CELSR1: variants seen among roughly 807,000 people sequenced by gnomAD.
CELSR1 encodes the protein adhesion G protein-coupled receptor C1.
A neutral mutation model predicts 249.1 loss-of-function variants in CELSR1; 110 were observed. The ratio of observed to expected loss-of-function variants is 0.44; its 90% CI spans 0.38 to 0.52. The LOEUF (loss-of-function observed/expected upper bound fraction) is 0.52, where lower values mean the gene tolerates loss of function less well. CELSR1 is among the 20% of genes least tolerant of loss of function. The pLI, the probability that CELSR1 is intolerant of heterozygous loss-of-function variation, is 0.00. For missense variants in CELSR1, 4,109 were observed against 4,296.4 expected (o/e 0.96, Z 1.22); for synonymous variants, 2,113 against 1,900.0 (o/e 1.11, Z -2.92).
In CELSR1 at chr22:46,512,104, G is replaced by A. The variant is rs542309360; in HGVS notation, c.3544+21523C>T. On this transcript the variant is annotated intron_variant, in intron 1 of 34. Transcript: ENST00000674500. This position sits in a 1 kb window ranked among gnomAD's most constrained non-coding sequence, Gnocchi z 5.2. ...CAGATCCCAGCCCAGTGGCCCCCACGCTGCCAGGAGCTCTCAGTGTGGCAA... is the reference window on the plus strand; with the variant it reads ...CAGATCCCAGCCCAGTGGCCCCCACACTGCCAGGAGCTCTCAGTGTGGCAA... Among the ~76,000 whole-genome samples the A allele has an allele frequency of 1.3e-5, 2 of 152,084 alleles. No homozygotes were observed. Among genetic ancestry groups the A allele is most frequent in the East Asian group, 1.9e-4 (1 of 5,140 alleles).
At chr22:46,376,953 G>T in intron 24 of CELSR1, 108 bp downstream of exon 24, 1 of 1,068,760 alleles carries the variant, frequency 9.4e-7, no homozygotes, top group Non-Finnish European at 1.4e-6. Flanking sequence ...CAGAGGTGGG[G>T]GTGGTGAGGA....
chr22:46,381,732 G>A lies in CELSR1; in HGVS notation c.7088+114C>T, dbSNP rs571355291. 251 of 988,058 alleles carry A rather than the reference G, an allele frequency of 2.5e-4. No individual in the cohort carries two copies. Among genetic ancestry groups the A allele is most frequent in the South Asian group, 4.0e-4 (25 of 62,060 alleles). 61.2% of individuals were successfully genotyped at this position (988,058 alleles called of 1,614,324 possible). ...GTCTCTGTCTCTGGGCCAGGGTCACGGTGAAATGTCACTGTGAAGACCTGT... is the reference window on the plus strand; with the variant it reads ...GTCTCTGTCTCTGGGCCAGGGTCACAGTGAAATGTCACTGTGAAGACCTGT... On this transcript the variant is annotated intron_variant, in intron 21 of 34. Coordinates refer to ENST00000674500, the MANE Select transcript of CELSR1 (RefSeq NM_001378328.1). This position sits in a 1 kb window ranked among gnomAD's most constrained non-coding sequence, Gnocchi z 6.0.
At chr22:46,497,848 G>T (rs1479230170) in intron 1 of CELSR1, among the ~76,000 whole-genome samples, 1 of 152,094 alleles carries the variant, frequency 6.6e-6, no homozygotes, top group Non-Finnish European at 1.5e-5. Context: ...AGCTCACACA[G>T]AAGAGAGTAC....
chr22:46,487,517 C>T, intron 1 of CELSR1, among the ~76,000 whole-genome samples: 1 of 109,464 alleles, frequency 9.1e-6, no homozygotes, highest in Non-Finnish European at 1.8e-5. Flanking sequence ...GGCCAATTAG[C>T]ATGGTGAGCC....
At chr22:46,514,396 C>T (rs1335874816) in intron 1 of CELSR1, among the ~76,000 whole-genome samples, 1 of 152,176 alleles carries the variant, frequency 6.6e-6, no homozygotes, top group Non-Finnish European at 1.5e-5. Context: ...TTCACCAGGC[C>T]CCGACGGTCC....
At position 46,390,594 on chromosome 22, in the gene CELSR1, T is replaced by C. The variant is rs1193565677; in HGVS notation, c.6251-108A>G. On this transcript the variant is annotated intron_variant, in intron 16 of 34. Coordinates refer to ENST00000674500, the MANE Select transcript of CELSR1 (RefSeq NM_001378328.1). The surrounding 1 kb of genome is among the most constrained non-coding windows in gnomAD (Gnocchi z 6.3). ...TACTTAAACCCAGAACACTGCGTGG[T>C]GGTTAGAACCCCATGGGGGCCAGGA... 9.0e-6 allele frequency: 8 copies of C among 891,662 alleles called. No homozygotes were observed. The highest frequency in any genetic ancestry group is 2.2e-4 in the Middle Eastern group (1 of 4,558). The allele number at this position is 891,662 out of a possible 1,614,324, so 55.2% of individuals were successfully genotyped here.
chr22:46,376,749 G>A (rs1256646041), intron 24 of CELSR1, among the ~76,000 whole-genome samples: 1 of 151,510 alleles, frequency 6.6e-6, no homozygotes, highest in African/African-American at 2.4e-5. Flanking sequence ...GGAAGTTGCA[G>A]TGAGCTGAGA....
At chr22:46,521,771 C>T (rs2080688501) in intron 1 of CELSR1, among the ~76,000 whole-genome samples, 2 of 152,106 alleles carry the variant, frequency 1.3e-5, no homozygotes, top group South Asian at 2.1e-4. Flanking sequence ...GAGCCAAGAT[C>T]GCGCCATTGC....
chr22:46,495,202 C>A (rs1376222308), intron 1 of CELSR1, among the ~76,000 whole-genome samples: 1 of 152,190 alleles, frequency 6.6e-6, no homozygotes, highest in Non-Finnish European at 1.5e-5. Flanking sequence ...ATGGCTGGTA[C>A]AGCCTGCTAC....
chr22:46,481,231 A>G (rs927674283), intron 1 of CELSR1: 3 of 330,412 alleles, frequency 9.1e-6, no homozygotes, highest in Non-Finnish European at 1.7e-5. Context: ...CGAAAGAACA[A>G]GACCATGTCT....
rs766010464 is a variant in CELSR1 at position 46,506,188 on chromosome 22, A to G, written c.3544+27439T>C. The stretch of plus-strand genomic sequence containing the variant: ...AGACTGTCTCCAAAAAAAAAAAAAA[A>G]AAAAAGAAAAAGAAAGAAAGACAGA... On this transcript the variant is annotated intron_variant, in intron 1 of 34. Transcript: ENST00000674500. This position sits in a 1 kb window ranked among gnomAD's most constrained non-coding sequence, Gnocchi z 4.1. Among the ~76,000 whole-genome samples, 3,066 of 151,300 alleles carry G rather than the reference A, an allele frequency of 0.02. 46 individuals carry two copies. Among genetic ancestry groups the G allele is most frequent in the Non-Finnish European group, 0.028 (1,911 of 67,734 alleles).
chr22:46,409,664 T>G lies in CELSR1; in HGVS notation c.5059+91A>C, dbSNP rs2147327040. On this transcript the variant is annotated intron_variant, in intron 8 of 34. Transcript: ENST00000674500. This position sits in a 1 kb window ranked among gnomAD's most constrained non-coding sequence, Gnocchi z 9.8. ...CACCAGAGGCTGCCGGACCTGGATG[T>G]GAAGCCCCCTCACGGTGGTCCCGGG... 2 of 1,507,200 alleles carry G rather than the reference T, an allele frequency of 1.3e-6. No individual in the cohort carries two copies. Among genetic ancestry groups the G allele is most frequent in the South Asian group, 2.3e-5 (2 of 87,144 alleles). The allele number at this position is 1,507,200 out of a possible 1,614,324, so 93.4% of individuals were successfully genotyped here.
At position 46,537,316 on chromosome 22, in the gene CELSR1, C is replaced by T. The variant is rs2080869973; in HGVS notation, c.-146G>A. On this transcript the variant is annotated 5_prime_UTR_variant, in exon 1 of 35. Transcript: ENST00000674500. The surrounding 1 kb of genome is among the most constrained non-coding windows in gnomAD (Gnocchi z 5.8). ...CGTCCCGCCTCCCCGGGGGCCCTGG[C>T]GGGGACTGTGGGGACCACGCGCCCG... is the stretch of plus-strand genomic sequence containing the variant. 2.1e-6 allele frequency: 2 copies of T among 943,000 alleles called. No homozygotes were observed. The highest frequency in any genetic ancestry group is 1.3e-6 in the Non-Finnish European group (1 of 788,856). The allele number at this position is 943,000 out of a possible 1,614,324, so 58.4% of individuals were successfully genotyped here.
Position 46,536,930 on chromosome 22 carries a change from C to A in CELSR1, c.241G>T (p.Gly81Cys). The change falls in exon 1 of 35, where the codon GGC (glycine) becomes TGC (cysteine). Residue 81 changes from glycine (G) to cysteine (C), a missense_variant. Gly to Cys is a radical substitution (Grantham distance 159). Around this residue, in one of 7 missense-constraint regions of CELSR1, gnomAD observed 673 missense variants for 636.8 expected, o/e 1.06. Transcript: ENST00000674500. Reference protein sequence around the residue: ...GRLAGRRRVSGAGRPLPLQVR... With the variant: ...GRLAGRRRVSCAGRPLPLQVR... ...TGCAGCGGCAGCGGGCGCCCCGCGC[C>A]CGAGACGCGCCGACGTCCTGCCAGC... The A allele has an allele frequency of 8.6e-7, 1 of 1,165,284 alleles. No homozygotes were observed. Among genetic ancestry groups the A allele is most frequent in the Non-Finnish European group, 1.1e-6 (1 of 946,648 alleles). 72.2% of individuals were successfully genotyped at this position (1,165,284 alleles called of 1,614,324 possible). A position where few individuals can be genotyped will look rare whatever the true frequency, so the allele number is the denominator to read the frequency against.
intron 13 of CELSR1, among the ~76,000 whole-genome samples, chr22:46,394,857 C>A (rs1431662936): frequency 1.3e-5 from 2 of 152,210 alleles, no homozygotes; most frequent in African/African-American, 4.8e-5. Context: ...GAGCAACAGA[C>A]ACTGAAGATG....
chr22:46,462,250 C>T (rs1301150441), intron 2 of CELSR1, among the ~76,000 whole-genome samples: 1 of 152,238 alleles, frequency 6.6e-6, no homozygotes, highest in East Asian at 1.9e-4. Flanking sequence ...CGTGGGAACA[C>T]CACGGGGCAG....
intron 25 of CELSR1, among the ~76,000 whole-genome samples, chr22:46,372,082 C>A (rs1711562487): frequency 6.6e-6 from 1 of 151,294 alleles, no homozygotes. Flanking sequence ...AATCCCATCC[C>A]TCCATCCACC....
In CELSR1 at chr22:46,537,500, C is replaced by CGGACGGGCGTGGGAAGCG. The variant is rs2080872118; in HGVS notation, c.-348_-331dup. ...CAGGTGGCTCCGGCGCGGGCTCGGC[C>CGGACGGGCGTGGGAAGCG]GGACGGGCGTGGGAAGCGGGGCGGG... On this transcript the variant is annotated 5_prime_UTR_variant, in exon 1 of 35. Coordinates refer to ENST00000674500, the MANE Select transcript of CELSR1 (RefSeq NM_001378328.1). This position sits in a 1 kb window ranked among gnomAD's most constrained non-coding sequence, Gnocchi z 5.8. Among the ~76,000 whole-genome samples, 2 of 148,960 alleles carry CGGACGGGCGTGGGAAGCG rather than the reference C, an allele frequency of 1.3e-5. No individual in the cohort carries two copies.
chr22:46,369,615 C>T, intron 26 of CELSR1, 77 bp downstream of exon 26: 2 of 1,400,128 alleles, frequency 1.4e-6, no homozygotes, highest in Non-Finnish European at 2.0e-6. Flanking sequence ...AGTTGGTGGC[C>T]CCAGCCAACC....
Sources: allele counts gnomAD v4.1 joint callset (sites outside exome capture counted in the v4.1 genomes callset), GRCh38; gene constraint gnomAD v4.1.1; regional missense constraint gnomAD v4.1.1; non-coding constraint Gnocchi (gnomAD v3.1); transcripts MANE v1.5; gene names NCBI Gene and HGNC (gene_info 2026-07-23, HGNC 2026-07-21).